Variants in IGF2BP2 observed in about 807,000 individuals in gnomAD.
IGF2BP2 encodes the protein insulin-like growth factor 2 mRNA-binding protein 2.
In IGF2BP2, 17 loss-of-function variants were observed where a neutral mutation model predicts 75.8. The observed-to-expected ratio is 0.22, with a 90% CI of 0.15 to 0.34. IGF2BP2 has a LOEUF of 0.34. IGF2BP2 is among the 10% of genes least tolerant of loss of function. The probability of loss-of-function intolerance (pLI) is 1.00; values close to 1 mark genes in which losing one functional copy is unlikely to be tolerated. For synonymous variants in IGF2BP2, 288 were observed against 295.6 expected (o/e 0.97, Z 0.26); for missense variants, 516 against 772.4 (o/e 0.67, Z 3.93).
At chr3:185,741,887 AAAG>A (rs141866845) in intron 2 of IGF2BP2, among the ~76,000 whole-genome samples, 40,338 of 151,952 alleles carry the variant, frequency 0.27, 5,969 homozygotes, top group African/African-American at 0.41. Flanking sequence ...TTGAATGTAG[AAAG>A]AAGGCAATGG....
At position 185,649,370 on chromosome 3, in the gene IGF2BP2, C is replaced by T. The variant is rs537848740; in HGVS notation, c.1593+33G>A. The T allele has an allele frequency of 9.3e-6, 15 of 1,609,420 alleles. No homozygotes were observed. In the South Asian group the frequency reaches 1.4e-4, roughly 15 times the overall value. ...GCAAGGCCAGAGCGGGGAATCTGAC[C>T]CAGGTGATGAAGCGAGCCCGGAGCA... On this transcript the variant is annotated intron_variant, in intron 14 of 15. Transcript: ENST00000382199.
intron 2 of IGF2BP2, chr3:185,722,325 A>G (rs1726696636): frequency 2.2e-6 from 1 of 447,860 alleles, no homozygotes; most frequent in African/African-American, 2.0e-5. Flanking sequence ...GAGATATAAG[A>G]TGAGAGTAAT....
intron 2 of IGF2BP2, among the ~76,000 whole-genome samples, chr3:185,745,915 T>A (rs1158638634): frequency 6.6e-6 from 1 of 151,654 alleles, no homozygotes; most frequent in Non-Finnish European, 1.5e-5. Context: ...TCTGGTTTGG[T>A]GGGTGGTCTG....
At chr3:185,776,435 GGACCGGGTTACT>G (rs1734541259) in intron 2 of IGF2BP2, among the ~76,000 whole-genome samples, 2 of 152,110 alleles carry the variant, frequency 1.3e-5, no homozygotes, top group South Asian at 4.1e-4. Flanking sequence ...TAAAAAGTGA[GGACCGGGTTACT>G]GACTGGAGAA....
At chr3:185,752,413 CTG>C (rs1255336823) in intron 2 of IGF2BP2, among the ~76,000 whole-genome samples, 1 of 152,182 alleles carries the variant, frequency 6.6e-6, no homozygotes, top group African/African-American at 2.4e-5. Flanking sequence ...TTTCTTCACA[CTG>C]TAATATTAGG....
intron 2 of IGF2BP2, among the ~76,000 whole-genome samples, chr3:185,700,494 C>T (rs764927257): frequency 1.4e-4 from 21 of 152,202 alleles, no homozygotes; most frequent in Non-Finnish European, 2.6e-4. Context: ...TAATTCCCGA[C>T]ATGGCCTTTG....
chr3:185,694,673 G>A (rs1722354452), intron 4 of IGF2BP2, among the ~76,000 whole-genome samples: 1 of 152,164 alleles, frequency 6.6e-6, no homozygotes, highest in Admixed American at 6.5e-5. Context: ...CTGCCCCAGG[G>A]ACCTGGAATA....
Position 185,824,853 on chromosome 3 carries a change from C to A in IGF2BP2, c.108G>T (p.Leu36=), listed in dbSNP as rs1391889731. ...RKLPLAGQVL[L]KSGYAFVDYP... is the part of the protein sequence containing the mutation. ...AGTCCACGAAGGCGTAGCCGGACTT[C>A]AGCAGGACCTGTCCCGCCAGGGGCA... Residue 36 remains leucine, a synonymous_variant, in exon 1 of 16, where the codon CTG becomes CTT. Coordinates refer to ENST00000382199, the MANE Select transcript of IGF2BP2 (RefSeq NM_006548.6). 56 of 1,555,772 alleles carry A rather than the reference C, an allele frequency of 3.6e-5. No homozygotes were observed. The highest frequency in any genetic ancestry group is 4.6e-5 in the Non-Finnish European group (53 of 1,150,722).
chr3:185,701,639 G>C (rs367879865), intron 2 of IGF2BP2, among the ~76,000 whole-genome samples: 6 of 152,162 alleles, frequency 3.9e-5, no homozygotes, highest in Non-Finnish European at 8.8e-5. Context: ...AATAGTTCAA[G>C]TAAACACTAC....
At chr3:185,685,582 C>T (rs1220301790) in intron 7 of IGF2BP2, among the ~76,000 whole-genome samples, 1 of 152,088 alleles carries the variant, frequency 6.6e-6, no homozygotes, top group Admixed American at 6.5e-5. Context: ...TTATTTGATT[C>T]ACCCCTCACT....
At position 185,647,362 on chromosome 3, in the gene IGF2BP2, C is replaced by T. The variant is rs1713758135; in HGVS notation, c.1594-224G>A. Among the ~76,000 whole-genome samples the T allele has an allele frequency of 6.6e-6, 1 of 152,092 alleles. No individual in the cohort carries two copies. Among genetic ancestry groups the T allele is most frequent in the Non-Finnish European group, 1.5e-5 (1 of 68,010 alleles). ...GGCTCAATGACAGGGAGAGGGAGTCCAGCCACAGATTCCTGGGGCTGCTTC... is the reference window on the plus strand; with the variant it reads ...GGCTCAATGACAGGGAGAGGGAGTCTAGCCACAGATTCCTGGGGCTGCTTC... On this transcript the variant is annotated intron_variant, in intron 14 of 15. Transcript: ENST00000382199. The surrounding 1 kb of genome is among the most constrained non-coding windows in gnomAD (Gnocchi z 4.9).
intron 10 of IGF2BP2, among the ~76,000 whole-genome samples, chr3:185,670,174 G>A (rs927204585): frequency 2.0e-5 from 3 of 152,132 alleles, no homozygotes; most frequent in Non-Finnish European, 4.4e-5. Context: ...ACAAATAACA[G>A]GAAACACATA....
chr3:185,674,368 A>T (rs571610744), intron 9 of IGF2BP2, among the ~76,000 whole-genome samples: 40 of 152,316 alleles, frequency 2.6e-4, no homozygotes, highest in Middle Eastern at 3.4e-3. Context: ...ACATCCAAAA[A>T]AATCTAATTA....
chr3:185,675,536 C>A, intron 8 of IGF2BP2, 105 bp from the exon 9 acceptor site: 1 of 1,315,224 alleles, frequency 7.6e-7, no homozygotes, highest in Non-Finnish European at 1.1e-6. Context: ...AGAGAAGACT[C>A]AATTCCCTCC....
At chr3:185,712,707 CA>C (rs1204266895) in intron 2 of IGF2BP2, 1 of 150,824 alleles carries the variant, frequency 6.6e-6, no homozygotes, top group Non-Finnish European at 1.5e-5. Context: ...CCTTAGGCTA[CA>C]AATAGATGCT....
At chr3:185,715,562 G>C (rs992907994) in intron 2 of IGF2BP2, among the ~76,000 whole-genome samples, 12 of 152,188 alleles carry the variant, frequency 7.9e-5, no homozygotes, top group African/African-American at 2.9e-4. Flanking sequence ...CGGTGCAAGT[G>C]TAATTCGACC....
At chr3:185,700,895 C>G (rs1578019080) in intron 2 of IGF2BP2, among the ~76,000 whole-genome samples, 2 of 152,080 alleles carry the variant, frequency 1.3e-5, no homozygotes, top group Admixed American at 1.3e-4. Context: ...CAAGCATGCA[C>G]TGTCATAGAA....
At chr3:185,749,422 C>T (rs1202429342) in intron 2 of IGF2BP2, among the ~76,000 whole-genome samples, 1 of 152,148 alleles carries the variant, frequency 6.6e-6, no homozygotes, top group Non-Finnish European at 1.5e-5. Flanking sequence ...TAGACAGTAA[C>T]AATTATAATG....
intron 2 of IGF2BP2, among the ~76,000 whole-genome samples, chr3:185,800,722 G>GAAAGAAAGAAAGAAAT (rs1738118509): frequency 1.5e-5 from 2 of 136,752 alleles, no homozygotes; most frequent in South Asian, 4.9e-4. Context: ...CAAAAAAAAA[G>GAAAGAAAGAAAGAAAT]AAAGAAAGAA....
Sources: allele counts gnomAD v4.1 joint callset (sites outside exome capture counted in the v4.1 genomes callset), GRCh38; gene constraint gnomAD v4.1.1; non-coding constraint Gnocchi (gnomAD v3.1); transcripts MANE v1.5; gene names NCBI Gene and HGNC (gene_info 2026-07-23, HGNC 2026-07-21).